CACNA1E: variants seen among roughly 807,000 people sequenced by gnomAD.
CACNA1E encodes calcium voltage-gated channel subunit alpha1 E.
Under a neutral mutation model 259.2 loss-of-function variants are expected in CACNA1E, and 40 were observed. That is an observed-to-expected ratio of 0.15 (90% CI 0.12 to 0.20). CACNA1E has a LOEUF of 0.20. Ranked by LOEUF, CACNA1E falls within the 10% of genes least tolerant of loss-of-function variation. CACNA1E has a pLI of 1.00. For synonymous variants in CACNA1E, 1,104 were observed against 1,138.5 expected (o/e 0.97, Z 0.61); for missense variants, 1,874 against 3,040.1 (o/e 0.62, Z 9.02).
At chr1:181,779,750 T>C (rs1467647048) in intron 38 of CACNA1E, among the ~76,000 whole-genome samples, 1 of 151,814 alleles carries the variant, frequency 6.6e-6, no homozygotes, top group Non-Finnish European at 1.5e-5. Flanking sequence ...AGTTAAGAAC[T>C]TCATGTGAAG....
chr1:181,643,083 TGACCCA>T (rs1474674544), intron 6 of CACNA1E, among the ~76,000 whole-genome samples: 3 of 152,204 alleles, frequency 2.0e-5, no homozygotes, highest in Non-Finnish European at 4.4e-5. Flanking sequence ...AATTCACCCA[TGACCCA>T]GAACTATTTA....
intron 2 of CACNA1E, among the ~76,000 whole-genome samples, chr1:181,474,518 C>CA (rs1662718284): frequency 6.6e-6 from 1 of 152,208 alleles, no homozygotes; most frequent in South Asian, 2.1e-4. Context: ...CATGTTTGTA[C>CA]ACTTGGCTGG....
intron 2 of CACNA1E, among the ~76,000 whole-genome samples, chr1:181,454,024 G>A (rs1054491316): frequency 1.3e-5 from 2 of 152,188 alleles, no homozygotes; most frequent in African/African-American, 4.8e-5. Context: ...CAGTGCAGAG[G>A]GGAAATGATA....
At chr1:181,759,421 G>GTT (rs1000200530) in intron 32 of CACNA1E, among the ~76,000 whole-genome samples, 4 of 151,912 alleles carry the variant, frequency 2.6e-5, no homozygotes, top group Admixed American at 6.6e-5. Flanking sequence ...GTGTGTGTGT[G>GTT]TGTGTATGGA....
At chr1:181,553,141 G>GT (rs1160442677) in intron 3 of CACNA1E, among the ~76,000 whole-genome samples, 2 of 152,168 alleles carry the variant, frequency 1.3e-5, no homozygotes, top group Admixed American at 1.3e-4. Context: ...AAGATGGAAT[G>GT]TTTTTTCCAT....
intron 3 of CACNA1E, among the ~76,000 whole-genome samples, chr1:181,564,852 A>G (rs184062304): frequency 6.6e-6 from 1 of 152,188 alleles, no homozygotes; most frequent in East Asian, 1.9e-4. Context: ...TGCTCTTGGT[A>G]CACTGTCAAT....
At chr1:181,493,922 C>A (rs1016187124) in intron 1 of CACNA1E, among the ~76,000 whole-genome samples, 1 of 152,182 alleles carries the variant, frequency 6.6e-6, no homozygotes, top group African/African-American at 2.4e-5. Context: ...GCACATTGCG[C>A]CAGCTTTCCT....
At position 181,801,182 on chromosome 1, in the gene CACNA1E, C is replaced by T. The variant is rs1662247539; in HGVS notation, c.*2348C>T. 6.5e-6 allele frequency: 1 copy of T among 152,678 alleles called. No individual in the cohort carries two copies. Among genetic ancestry groups the T allele is most frequent in the African/African-American group, 2.4e-5 (1 of 41,472 alleles). The allele number at this position is 152,678 out of a possible 1,614,324, so 9.5% of individuals were successfully genotyped here. On this transcript the variant is annotated 3_prime_UTR_variant, in exon 48 of 48. Transcript: ENST00000367573. ...GCTTTCCCTAGGGGGAGGCCTACAA[C>T]AGGACGACCATTCTGAGCCAGTGAG...
intron 6 of CACNA1E, among the ~76,000 whole-genome samples, chr1:181,612,775 A>T (rs1301550146): frequency 6.6e-6 from 1 of 152,152 alleles, no homozygotes; most frequent in Non-Finnish European, 1.5e-5. Flanking sequence ...CCCCTCCTTC[A>T]GTTTTTGAGT....
At position 181,403,195 on chromosome 1, in the gene CACNA1E, A is replaced by T. The variant is rs555019790; in HGVS notation, c.-14-9938A>T. ...TTTCCTCATTTGTAAAATTGAGTTC[A>T]CAGTAATAGTTATTTCATAAGATTT... On this transcript the variant is annotated intron_variant, in intron 1 of 11. Coordinates refer to the CACNA1E transcript ENST00000524607. Among the ~76,000 whole-genome samples, 13 of 152,108 alleles carry T rather than the reference A, an allele frequency of 8.5e-5. No individual in the cohort carries two copies. The South Asian group carries it at 2.7e-3, about 32-fold the overall frequency.
chr1:181,358,909 A>G (rs1653651364), intron 1 of CACNA1E, among the ~76,000 whole-genome samples: 1 of 152,174 alleles, frequency 6.6e-6, no homozygotes, highest in African/African-American at 2.4e-5. Context: ...TTTTATCAGC[A>G]ACTCAGAGAG....
intron 25 of CACNA1E, 100 bp downstream of exon 25, chr1:181,739,353 G>C (rs959328903): frequency 8.6e-6 from 7 of 818,336 alleles, no homozygotes; most frequent in Admixed American, 2.0e-5. Flanking sequence ...GCAGGGTGAT[G>C]CCAAAGAATG....
chr1:181,748,687 C>G (rs922128458), intron 25 of CACNA1E, among the ~76,000 whole-genome samples: 1 of 152,164 alleles, frequency 6.6e-6, no homozygotes. Flanking sequence ...GAAAGGGAAA[C>G]CTTTGTGGTT....
chr1:181,707,959 G>A (rs1277524173), intron 7 of CACNA1E, among the ~76,000 whole-genome samples: 2 of 152,182 alleles, frequency 1.3e-5, no homozygotes, highest in African/African-American at 4.8e-5. Flanking sequence ...ATGGGGAAGA[G>A]GTAGACTGGA....
chr1:181,405,815 C>CA (rs1483015572), intron 1 of CACNA1E, among the ~76,000 whole-genome samples: 3 of 152,186 alleles, frequency 2.0e-5, no homozygotes, highest in Non-Finnish European at 4.4e-5. Context: ...AAGCCTCATG[C>CA]AAAATCTTTC....
chr1:181,739,638 G>T (rs1656378558), intron 25 of CACNA1E, among the ~76,000 whole-genome samples: 2 of 152,214 alleles, frequency 1.3e-5, no homozygotes, highest in Admixed American at 1.3e-4. Context: ...GAAGCAGCTT[G>T]AAAGAAAGAT....
intron 2 of CACNA1E, among the ~76,000 whole-genome samples, chr1:181,429,148 C>T (rs1659530131): frequency 6.6e-6 from 1 of 152,168 alleles, no homozygotes; most frequent in South Asian, 2.1e-4. Flanking sequence ...CAACACTGCA[C>T]TCCAACCTGG....
Position 181,781,475 on chromosome 1 carries a change from A to G in CACNA1E, c.5316A>G (p.Ser1772=), listed in dbSNP as rs1282095682. ...TGTATGAAATGCTGACTCTCATGTC[A>G]CCTCCGCTAGGCCTCGGCAAGAGAT... ...TEMYEMLTLM[S]PPLGLGKRCP... Residue 1772 remains serine, a synonymous_variant, in exon 39 of 48, where the codon TCA becomes TCG. Transcript: ENST00000367573. The G allele has an allele frequency of 6.3e-7, 1 of 1,598,678 alleles. No individual in the cohort carries two copies. The highest frequency in any genetic ancestry group is 8.5e-7 in the Non-Finnish European group (1 of 1,171,292).
chr1:181,769,012 C>T lies in CACNA1E; in HGVS notation c.4882-2281C>T, dbSNP rs114772503. On this transcript the variant is annotated intron_variant, in intron 35 of 47. Transcript: ENST00000367573. ...GACCTTTGCAGAAGAATCGGAAGTT[C>T]GAAAGGAGGAGTAACTTGCTGGGGA... 4.3e-3 allele frequency among the ~76,000 whole-genome samples: 653 copies of T among 152,246 alleles called. 7 individuals carry two copies. Among genetic ancestry groups the T allele is most frequent in the African/African-American group, 0.015 (620 of 41,544 alleles).
Sources: gnomAD v4.1 joint callset for allele counts (sites outside exome capture counted in the v4.1 genomes callset) on GRCh38, gnomAD v4.1.1 for gene constraint, MANE v1.5 for transcripts, NCBI Gene and HGNC (gene_info 2026-07-23, HGNC 2026-07-21) for gene names.